The following EPHA3 variants were observed in gnomAD, a reference collection of about 807,000 sequenced individuals.
EPHA3 encodes ephrin type-A receptor 3.
Under a neutral mutation model 107.1 loss-of-function variants are expected in EPHA3, and 42 were observed. The ratio of observed to expected loss-of-function variants is 0.39; its 90% confidence interval spans 0.31 to 0.51. EPHA3 has a LOEUF of 0.51. EPHA3 is among the 20% of genes least tolerant of loss of function. The pLI, the probability that EPHA3 is intolerant of heterozygous loss-of-function variation, is 0.78. For missense variants in EPHA3, 1,183 were observed against 1,211.2 expected, an observed-to-expected ratio of 0.98 and a Z score of 0.35; for synonymous variants, 461 against 424.8, an observed-to-expected ratio of 1.09 and a Z score of -1.05.
At chr3:89,130,086 C>G (rs527444599) in intron 2 of EPHA3, among the ~76,000 whole-genome samples, 1 of 151,998 alleles carries the variant, frequency 6.6e-6, no homozygotes, top group South Asian at 2.1e-4. Context: ...TATTTTGCCT[C>G]GGTGGGATAT....
At chr3:89,364,314 G>T (rs1708149061) in intron 5 of EPHA3, among the ~76,000 whole-genome samples, 2 of 150,830 alleles carry the variant, frequency 1.3e-5, no homozygotes, top group Non-Finnish European at 3.0e-5. Context: ...TCATTCAGAG[G>T]CCTTTCAGAA....
At chr3:89,269,180 T>C (rs1705605556) in intron 3 of EPHA3, among the ~76,000 whole-genome samples, 1 of 152,142 alleles carries the variant, frequency 6.6e-6, no homozygotes, top group Non-Finnish European at 1.5e-5. Context: ...GGGTAAACTA[T>C]TGAAACCTCA....
intron 3 of EPHA3, among the ~76,000 whole-genome samples, chr3:89,218,755 A>C (rs1183857144): frequency 6.6e-6 from 1 of 152,206 alleles, no homozygotes; most frequent in Non-Finnish European, 1.5e-5. Context: ...GCCATCAGAG[A>C]AATGCAAATC....
chr3:89,130,006 G>A (rs938005315), intron 2 of EPHA3, among the ~76,000 whole-genome samples: 3 of 152,028 alleles, frequency 2.0e-5, no homozygotes, highest in African/African-American at 7.2e-5. Context: ...TTAAATCACT[G>A]CAAATTCTCA....
chr3:89,260,896 C>T (rs1018111915), intron 3 of EPHA3, among the ~76,000 whole-genome samples: 3 of 152,232 alleles, frequency 2.0e-5, no homozygotes, highest in African/African-American at 7.2e-5. Flanking sequence ...TGGTCCTCCA[C>T]AGCATTTCCA....
rs79764774 is a variant in EPHA3 at position 89,425,442 on chromosome 3, T to C, written c.2075-3664T>C. ...TCCTTCCATCCTGACACTGATTATA[T>C]AGATTGCTAGCGGCTAAGGTCAAAG... On this transcript the variant is annotated intron_variant, in intron 11 of 16. Transcript: ENST00000336596. Among the ~76,000 whole-genome samples the C allele has an allele frequency of 2.2e-3, 335 of 149,468 alleles. 13 individuals carry two copies. In the East Asian group the frequency reaches 0.059, roughly 26 times the overall value.
intron 2 of EPHA3, among the ~76,000 whole-genome samples, chr3:89,207,988 G>A (rs192426743): frequency 2.6e-5 from 4 of 152,076 alleles, no homozygotes; most frequent in South Asian, 2.1e-4. Flanking sequence ...TTCAATAAGG[G>A]TTCTATAATA....
chr3:89,172,555 T>C (rs1057085276), intron 2 of EPHA3, among the ~76,000 whole-genome samples: 31 of 152,320 alleles, frequency 2.0e-4, no homozygotes, highest in African/African-American at 7.5e-4. Context: ...TGCTTTCTCC[T>C]ACTCCAACTT....
chr3:89,212,327 C>A (rs1180758955), intron 3 of EPHA3, among the ~76,000 whole-genome samples: 3 of 151,874 alleles, frequency 2.0e-5, no homozygotes, highest in Non-Finnish European at 4.4e-5. Context: ...ACAGCATGGT[C>A]AAATGGCAGG....
chr3:89,236,421 C>T (rs932946949), intron 3 of EPHA3, among the ~76,000 whole-genome samples: 107 of 151,496 alleles, frequency 7.1e-4, no homozygotes, highest in Admixed American at 1.1e-3. Flanking sequence ...AAACTGTGTA[C>T]GAAATTTAGC....
intron 2 of EPHA3, among the ~76,000 whole-genome samples, chr3:89,200,317 T>C (rs1705941031): frequency 6.6e-6 from 1 of 152,344 alleles, no homozygotes; most frequent in East Asian, 1.9e-4. Context: ...CATTCTGAAA[T>C]ATGTTTTGGT....
At chr3:89,121,461 G>A (rs1707382748) in intron 1 of EPHA3, among the ~76,000 whole-genome samples, 2 of 151,408 alleles carry the variant, frequency 1.3e-5, no homozygotes, top group Middle Eastern at 6.8e-3. Flanking sequence ...ACTAATTAAA[G>A]CTATTAAAGT....
intron 2 of EPHA3, among the ~76,000 whole-genome samples, chr3:89,205,897 A>G (rs1006759195): frequency 5.9e-5 from 9 of 152,034 alleles, no homozygotes; most frequent in Non-Finnish European, 8.8e-5. Context: ...ATTATACATT[A>G]GTTCTTACAG....
chr3:89,373,389 T>C (rs1306894740), intron 5 of EPHA3, among the ~76,000 whole-genome samples: 1 of 151,960 alleles, frequency 6.6e-6, no homozygotes, highest in Non-Finnish European at 1.5e-5. Context: ...AGGCTTTATA[T>C]AGATAACTTT....
At chr3:89,265,459 T>A (rs1705513861) in intron 3 of EPHA3, among the ~76,000 whole-genome samples, 1 of 152,220 alleles carries the variant, frequency 6.6e-6, no homozygotes, top group Admixed American at 6.5e-5. Flanking sequence ...TTTATTTTAA[T>A]ATTTTTTGTA....
chr3:89,366,044 G>A (rs781000124), intron 5 of EPHA3, among the ~76,000 whole-genome samples: 1 of 150,684 alleles, frequency 6.6e-6, no homozygotes, highest in Non-Finnish European at 1.5e-5. Context: ...ACACACTAAT[G>A]ATAGCCCAAA....
intron 3 of EPHA3, among the ~76,000 whole-genome samples, chr3:89,299,452 A>G (rs1229093640): frequency 6.6e-6 from 1 of 151,988 alleles, no homozygotes; most frequent in Non-Finnish European, 1.5e-5. Flanking sequence ...TAACATCCAT[A>G]GCCTATAAAA....
chr3:89,435,354 C>A (rs1049870046), intron 13 of EPHA3, among the ~76,000 whole-genome samples: 1 of 150,668 alleles, frequency 6.6e-6, no homozygotes, highest in Non-Finnish European at 1.5e-5. Flanking sequence ...AATCTTGACA[C>A]TTCGAGAGGC....
At chr3:89,426,918 T>C (rs1414398618) in intron 11 of EPHA3, among the ~76,000 whole-genome samples, 1 of 151,864 alleles carries the variant, frequency 6.6e-6, no homozygotes, top group Non-Finnish European at 1.5e-5. Flanking sequence ...AGGCCAGGCA[T>C]CTAGAATCAA....
Sources: gnomAD v4.1 joint callset for allele counts (sites outside exome capture counted in the v4.1 genomes callset) on GRCh38, gnomAD v4.1.1 for gene constraint, MANE v1.5 for transcripts, NCBI Gene and HGNC (gene_info 2026-07-23, HGNC 2026-07-21) for gene names.